The following FHOD3 variants were observed in gnomAD, a reference collection of about 807,000 sequenced individuals.
The protein encoded by FHOD3 is formin homology 2 domain containing 3, also known as FH1/FH2 domain-containing protein 3.
A neutral mutation model predicts 173.0 loss-of-function variants in FHOD3; 90 were observed. The observed-to-expected ratio is 0.52, with a 90% CI of 0.44 to 0.62. The LOEUF (loss-of-function observed/expected upper bound fraction) is 0.62, where lower values mean the gene tolerates loss of function less well. Ranked by LOEUF, FHOD3 falls within the 20% of genes least tolerant of loss-of-function variation. The pLI is 0.00. For missense variants in FHOD3, 1,945 were observed against 2,034.7 expected (o/e 0.96, Z 0.85); for synonymous variants, 828 against 823.0 (o/e 1.01, Z -0.10).
chr18:36,504,042 A>T (rs2055172733), intron 4 of FHOD3, among the ~76,000 whole-genome samples: 1 of 152,136 alleles, frequency 6.6e-6, no homozygotes, highest in South Asian at 2.1e-4. Flanking sequence ...CTCCTGCCCC[A>T]GCCTCCTAAT....
At chr18:36,572,287 A>G (rs2058480335) in intron 5 of FHOD3, among the ~76,000 whole-genome samples, 3 of 151,804 alleles carry the variant, frequency 2.0e-5, no homozygotes, top group Admixed American at 2.0e-4. Context: ...CAAATCATGA[A>G]TTTTCATGGC....
At chr18:36,322,693 C>T (rs1689276840) in intron 1 of FHOD3, among the ~76,000 whole-genome samples, 1 of 152,170 alleles carries the variant, frequency 6.6e-6, no homozygotes, top group Non-Finnish European at 1.5e-5. Flanking sequence ...TGCTAGTGAC[C>T]TGGTGGTGTC....
intron 6 of FHOD3, among the ~76,000 whole-genome samples, chr18:36,585,963 C>G (rs1354400564): frequency 6.6e-6 from 1 of 152,154 alleles, no homozygotes; most frequent in Non-Finnish European, 1.5e-5. Context: ...TGGGAGCCTG[C>G]AGGGTTCTGC....
rs1363631991 is a variant in FHOD3 at position 36,709,155 on chromosome 18, G to C, written c.2297G>C (p.Gly766Ala). 6.2e-7 allele frequency: 1 copy of C among 1,614,142 alleles called. No individual in the cohort carries two copies. The highest frequency in any genetic ancestry group is 8.5e-7 in the Non-Finnish European group (1 of 1,180,010). Residue 766 changes from glycine (G) to alanine (A), a missense_variant, in exon 18 of 29, where the codon GGG (glycine) becomes GCG (alanine). Around this residue, in one of 5 missense-constraint regions of FHOD3, gnomAD observed 1,099 missense variants for 1,051.2 expected, o/e 1.05. Transcript: ENST00000590592. Reference sequence around the variant, plus strand: ...GAACCGGAAGCAGAGGCAGGGGCGGGGCAGGTTGCTGATGAAGCTGGCCAG... The same window carrying C: ...GAACCGGAAGCAGAGGCAGGGGCGGCGCAGGTTGCTGATGAAGCTGGCCAG... Reference protein sequence around the residue: ...EAEPEAEAGAGQVADEAGQDI... With the variant: ...EAEPEAEAGAAQVADEAGQDI...
At chr18:36,658,573 G>A (rs1272253313) in intron 14 of FHOD3, among the ~76,000 whole-genome samples, 2 of 152,162 alleles carry the variant, frequency 1.3e-5, no homozygotes, top group Non-Finnish European at 2.9e-5. Flanking sequence ...AAATCAGAAA[G>A]TAGTGGGCCC....
intron 3 of FHOD3, among the ~76,000 whole-genome samples, chr18:36,497,838 C>T (rs1234383180): frequency 1.3e-5 from 2 of 152,076 alleles, no homozygotes; most frequent in African/African-American, 2.4e-5. Context: ...ATGTGGACAC[C>T]ACTATTACTC....
chr18:36,678,790 A>G (rs1411841269), intron 14 of FHOD3, among the ~76,000 whole-genome samples: 1 of 152,140 alleles, frequency 6.6e-6, no homozygotes, highest in Non-Finnish European at 1.5e-5. Context: ...GTCATCTTAC[A>G]TTACCCTTAC....
intron 3 of FHOD3, among the ~76,000 whole-genome samples, chr18:36,483,942 C>T (rs1156252390): frequency 6.6e-6 from 1 of 152,180 alleles, no homozygotes; most frequent in Non-Finnish European, 1.5e-5. Flanking sequence ...CTCTGAGCAT[C>T]CTCCCAGGAC....
intron 1 of FHOD3, among the ~76,000 whole-genome samples, chr18:36,341,893 T>C (rs2045642159): frequency 6.6e-6 from 1 of 152,060 alleles, no homozygotes; most frequent in Admixed American, 6.6e-5. Flanking sequence ...TCCAGAGTCA[T>C]GACCAAGAAA....
At chr18:36,305,223 A>G (rs1014979184) in intron 1 of FHOD3, among the ~76,000 whole-genome samples, 3 of 152,202 alleles carry the variant, frequency 2.0e-5, no homozygotes, top group Non-Finnish European at 4.4e-5. Flanking sequence ...CATTGTATCT[A>G]TTTACAAACT....
intron 3 of FHOD3, among the ~76,000 whole-genome samples, chr18:36,420,095 A>G (rs2049909514): frequency 6.6e-6 from 1 of 152,226 alleles, no homozygotes; most frequent in South Asian, 2.1e-4. Context: ...TTCTCTTGGA[A>G]TGCGGAGCCT....
chr18:36,610,341 C>A (rs1422436139), intron 8 of FHOD3, among the ~76,000 whole-genome samples: 1 of 152,180 alleles, frequency 6.6e-6, no homozygotes, highest in Non-Finnish European at 1.5e-5. Context: ...TGATAGGATT[C>A]TTTGAATGAT....
intron 5 of FHOD3, among the ~76,000 whole-genome samples, chr18:36,530,578 G>A (rs1024349580): frequency 1.3e-5 from 2 of 152,140 alleles, no homozygotes; most frequent in South Asian, 2.1e-4. Flanking sequence ...GTAGTATTCC[G>A]TTGTATGGAT....
intron 5 of FHOD3, among the ~76,000 whole-genome samples, chr18:36,574,589 G>A (rs1272577680): frequency 1.3e-5 from 2 of 151,998 alleles, no homozygotes; most frequent in Non-Finnish European, 2.9e-5. Flanking sequence ...GATGAGAAAT[G>A]TGATTATAAT....
At chr18:36,500,424 A>C (rs545335793) in intron 3 of FHOD3, among the ~76,000 whole-genome samples, 1 of 152,318 alleles carries the variant, frequency 6.6e-6, no homozygotes, top group South Asian at 2.1e-4. Flanking sequence ...CATTTGTTCC[A>C]TGCCACTTGC....
chr18:36,514,106 T>C (rs2055823082), intron 5 of FHOD3, among the ~76,000 whole-genome samples: 1 of 147,746 alleles, frequency 6.8e-6, no homozygotes, highest in South Asian at 2.2e-4. Context: ...CCTCCCGGAT[T>C]CACGCCATTC....
intron 3 of FHOD3, among the ~76,000 whole-genome samples, chr18:36,429,848 A>T (rs2050438928): frequency 6.6e-6 from 1 of 152,070 alleles, no homozygotes; most frequent in Admixed American, 6.5e-5. Flanking sequence ...TGCAGCAAGA[A>T]AAAGTGAGAA....
Position 36,652,706 on chromosome 18 carries a change from C to T in FHOD3, c.1423C>T (p.His475Tyr), listed in dbSNP as rs1475088106. The T allele has an allele frequency of 3.3e-6, 5 of 1,535,728 alleles. No individual in the cohort carries two copies. Among genetic ancestry groups the T allele is most frequent in the Non-Finnish European group, 4.4e-6 (5 of 1,146,662 alleles). Residue 475 changes from histidine to tyrosine, a missense_variant, in exon 12 of 29, where the codon CAC becomes TAC. This residue lies in a region of FHOD3 where 1,099 missense variants were observed against 1,051.2 expected (regional missense o/e 1.05). Transcript: ENST00000590592. ...LVGTAGGTTW[H>Y]SGSSGSEATP... ...TGGCACTGCAGGCGGGACCACCTGG[C>T]ACAGTGGGTCCTCTGGGTCTGAGGC...
intron 3 of FHOD3, among the ~76,000 whole-genome samples, chr18:36,478,258 A>G (rs1599303526): frequency 6.6e-6 from 1 of 152,132 alleles, no homozygotes; most frequent in Admixed American, 6.5e-5. Context: ...TCTTTTTTTG[A>G]TGAATGTAGC....
Sources: allele counts gnomAD v4.1 joint callset (sites outside exome capture counted in the v4.1 genomes callset), GRCh38; gene constraint gnomAD v4.1.1; regional missense constraint gnomAD v4.1.1; transcripts MANE v1.5; gene names NCBI Gene and HGNC (gene_info 2026-07-23, HGNC 2026-07-21).